The following GCSAML variants were observed in gnomAD, a reference collection of about 807,000 sequenced individuals.
The protein encoded by GCSAML is germinal center-associated signaling and motility-like protein.
GCSAML carries 9 observed loss-of-function variants against 13.0 expected under a neutral mutation model. That is an observed-to-expected ratio of 0.69 (90% CI 0.42 to 1.21). The LOEUF (loss-of-function observed/expected upper bound fraction) is 1.21, where lower values mean the gene tolerates loss of function less well. GCSAML is among the 50% of genes most tolerant of loss of function. GCSAML has a pLI of 0.00. For missense variants in GCSAML, 143 were observed against 153.4 expected (o/e 0.93, Z 0.36); for synonymous variants, 37 against 52.9 (o/e 0.70, Z 1.31).
At chr1:247,523,997 T>TACACACACACACACAC (rs34257635) in intron 1 of GCSAML, among the ~76,000 whole-genome samples, 453 of 147,834 alleles carry the variant, frequency 3.1e-3, no homozygotes, top group African/African-American at 7.7e-3. Context: ...ACATCTGTCT[T>TACACACACACACACAC]ACACACACAC....
At chr1:247,507,937 C>T (rs1258774183) in intron 1 of GCSAML, among the ~76,000 whole-genome samples, 1 of 152,100 alleles carries the variant, frequency 6.6e-6, no homozygotes, top group African/African-American at 2.4e-5. Flanking sequence ...GGGTTGGTTC[C>T]AAGTCTTTGC....
chr1:247,511,619 A>C (rs997243802), intron 1 of GCSAML, among the ~76,000 whole-genome samples: 18 of 152,142 alleles, frequency 1.2e-4, no homozygotes, highest in Non-Finnish European at 1.8e-4. Flanking sequence ...GTGTCAACGG[A>C]CTTTACAATT....
intron 2 of GCSAML, among the ~76,000 whole-genome samples, chr1:247,534,658 G>C (rs369071985): frequency 9.9e-5 from 15 of 152,136 alleles, no homozygotes; most frequent in African/African-American, 3.4e-4. Context: ...ATTTATTATA[G>C]TTAAGATTCA....
At chr1:247,512,669 G>A (rs181670296) in intron 1 of GCSAML, among the ~76,000 whole-genome samples, 11 of 152,202 alleles carry the variant, frequency 7.2e-5, no homozygotes, top group Non-Finnish European at 1.3e-4. Context: ...GGTCTTTGAT[G>A]TTGGTGACCT....
intron 1 of GCSAML, among the ~76,000 whole-genome samples, chr1:247,551,966 C>G (rs1323529195): frequency 6.6e-6 from 1 of 152,152 alleles, no homozygotes; most frequent in East Asian, 1.9e-4. Flanking sequence ...GACCTACAGT[C>G]AGACAAAGTA....
chr1:247,544,154 T>C (rs1406241513), upstream of GCSAML, among the ~76,000 whole-genome samples: 1 of 152,144 alleles, frequency 6.6e-6, no homozygotes, highest in Non-Finnish European at 1.5e-5. Context: ...GAGAGAGAGC[T>C]CATGATGGCT....
intron 1 of GCSAML, among the ~76,000 whole-genome samples, chr1:247,508,109 G>A (rs1665890459): frequency 6.6e-6 from 1 of 152,142 alleles, no homozygotes; most frequent in Non-Finnish European, 1.5e-5. Context: ...CACAATGGTT[G>A]AACTAATTTA....
At chr1:247,559,250 GAT>G (rs1668046085) in intron 2 of GCSAML, among the ~76,000 whole-genome samples, 1 of 152,154 alleles carries the variant, frequency 6.6e-6, no homozygotes, top group Non-Finnish European at 1.5e-5. Context: ...GTGTATTTCA[GAT>G]ATTCACTGTC....
intron 1 of GCSAML, among the ~76,000 whole-genome samples, chr1:247,517,413 C>CA (rs1197225407): frequency 6.6e-6 from 1 of 151,802 alleles, no homozygotes; most frequent in Non-Finnish European, 1.5e-5. Context: ...ATCACTGGAA[C>CA]AAAAAAATGT....
intron 1 of GCSAML, among the ~76,000 whole-genome samples, chr1:247,554,705 G>T (rs987154998): frequency 2.6e-5 from 4 of 152,030 alleles, no homozygotes; most frequent in Non-Finnish European, 2.9e-5. Flanking sequence ...GCCTAGACAG[G>T]TACACTTTTG....
chr1:247,570,088 C>G (rs1668541151), intron 4 of GCSAML, among the ~76,000 whole-genome samples: 1 of 151,942 alleles, frequency 6.6e-6, no homozygotes, highest in African/African-American at 2.4e-5. Flanking sequence ...CTATTTGATT[C>G]TTCTGTCTTT....
At chr1:247,518,924 G>A (rs542697569) in intron 1 of GCSAML, among the ~76,000 whole-genome samples, 4 of 152,232 alleles carry the variant, frequency 2.6e-5, no homozygotes, top group Admixed American at 2.0e-4. Flanking sequence ...AGGAGTTTGA[G>A]GCTTCAGTGA....
chr1:247,513,346 G>A (rs1024400369), intron 1 of GCSAML, among the ~76,000 whole-genome samples: 6 of 152,152 alleles, frequency 3.9e-5, no homozygotes, highest in East Asian at 1.9e-4. Context: ...CAGTAATGGC[G>A]GACACCCCTC....
chr1:247,547,665 G>GT (rs1667626789), upstream of GCSAML, among the ~76,000 whole-genome samples: 1 of 152,182 alleles, frequency 6.6e-6, no homozygotes, highest in South Asian at 2.1e-4. Flanking sequence ...TTTCTAATAA[G>GT]TTCTCAGAGA....
chr1:247,558,324 T>C (rs1384202371), intron 2 of GCSAML, among the ~76,000 whole-genome samples: 1 of 152,226 alleles, frequency 6.6e-6, no homozygotes, highest in Non-Finnish European at 1.5e-5. Context: ...TGGATTCTTA[T>C]CAGAATATTA....
At chr1:247,570,099 C>T (rs900986091) in intron 4 of GCSAML, among the ~76,000 whole-genome samples, 2 of 151,966 alleles carry the variant, frequency 1.3e-5, no homozygotes, top group Non-Finnish European at 2.9e-5. Context: ...TTCTGTCTTT[C>T]TTCATTATTA....
rs1178178916 is a variant in GCSAML at position 247,508,425 on chromosome 1, G to A, written c.-263+1192G>A. 9.2e-5 allele frequency among the ~76,000 whole-genome samples: 14 copies of A among 151,974 alleles called. 1 individual carries two copies. The highest frequency in any genetic ancestry group is 8.8e-5 in the Non-Finnish European group (6 of 67,950). ...GATTCTGGATATTAGACCTTTGTCA[G>A]ATGGATTGCAAAAATTTTCTGCCAT... On this transcript the variant is annotated intron_variant, in intron 1 of 5. Transcript: ENST00000366489.
intron 2 of GCSAML, chr1:247,532,296 C>T (rs2103005290): frequency 1.2e-6 from 2 of 1,614,162 alleles, no homozygotes. Flanking sequence ...TGGTGAAGCT[C>T]ATGTCCAGGA....
intron 2 of GCSAML, among the ~76,000 whole-genome samples, chr1:247,558,821 T>C (rs1331162268): frequency 6.6e-6 from 1 of 152,244 alleles, no homozygotes; most frequent in Non-Finnish European, 1.5e-5. Flanking sequence ...TTTGCAACTT[T>C]TAATTTATTC....
Sources: allele counts gnomAD v4.1 joint callset (sites outside exome capture counted in the v4.1 genomes callset), GRCh38; gene constraint gnomAD v4.1.1; transcripts MANE v1.5; gene names NCBI Gene and HGNC (gene_info 2026-07-23, HGNC 2026-07-21).